BST1: variants seen among roughly 807,000 people sequenced by gnomAD.
The protein encoded by BST1 is bone marrow stromal cell antigen 1, also known as ADP-ribosyl cyclase/cyclic ADP-ribose hydrolase 2.
A neutral mutation model predicts 40.6 loss-of-function variants in BST1; 49 were observed. That is an observed-to-expected ratio of 1.21 (90% CI 0.96 to 1.53). BST1 has a LOEUF of 1.53. Among genes scored for constraint, BST1 ranks in the 40% most tolerant of loss-of-function variants. The pLI is 0.00. For synonymous variants in BST1, 157 were observed against 159.3 expected (o/e 0.99, Z 0.11); for missense variants, 423 against 395.9 (o/e 1.07, Z -0.58).
At chr4:15,757,708 C>T in the BST1 span, among the ~76,000 whole-genome samples, 1 of 152,124 alleles carries the variant, frequency 6.6e-6, no homozygotes, top group African/African-American at 2.4e-5. Context: ...ATGGCAGGAT[C>T]TCGGCTCTCT....
At chr4:15,735,916 G>A (rs1006071024), downstream of BST1, 27 of 359,740 alleles carry the variant, frequency 7.5e-5, no homozygotes, top group Non-Finnish European at 1.2e-4. Context: ...GAATATAAGA[G>A]TAATAATGGC....
chr4:15,773,485 G>A, the BST1 span, among the ~76,000 whole-genome samples: 7 of 152,142 alleles, frequency 4.6e-5, no homozygotes, highest in African/African-American at 1.4e-4. Flanking sequence ...TCATCTTTTC[G>A]TGATCTCTCA....
downstream of BST1, among the ~76,000 whole-genome samples, chr4:15,741,649 A>G (rs1721746946): frequency 6.6e-6 from 1 of 152,224 alleles, no homozygotes; most frequent in Non-Finnish European, 1.5e-5. Flanking sequence ...GTTGAAAAAA[A>G]TCAAAAGAAG....
In BST1 at chr4:15,737,919, G is replaced by T. The variant is rs549803080; in HGVS notation, c.*145G>T. 15 of 724,380 alleles carry T rather than the reference G, an allele frequency of 2.1e-5. No individual in the cohort carries two copies. In the East Asian group the frequency reaches 9.1e-4, roughly 44 times the overall value. 44.9% of individuals were successfully genotyped at this position (724,380 alleles called of 1,614,324 possible). On this transcript the variant is annotated 3_prime_UTR_variant, in exon 7 of 7. Coordinates refer to the BST1 transcript ENST00000514445. ...CAAGAGTTGAGTCAATTGCATGCCTGCCTAGTCCAGCTCCGTCCACATGAA... is the reference window on the plus strand; with the variant it reads ...CAAGAGTTGAGTCAATTGCATGCCTTCCTAGTCCAGCTCCGTCCACATGAA...
At chr4:15,736,222 G>C (rs1721557432), downstream of BST1, 1 of 956,010 alleles carries the variant, frequency 1.0e-6, no homozygotes, top group Non-Finnish European at 1.4e-6. Flanking sequence ...CCACAATGCT[G>C]CCAGAGCAAT....
At chr4:15,744,609 A>G in the BST1 span, among the ~76,000 whole-genome samples, 2 of 152,214 alleles carry the variant, frequency 1.3e-5, no homozygotes, top group Non-Finnish European at 2.9e-5. Context: ...TCCAAAAGAA[A>G]GTTCAACAAT....
chr4:15,739,702 G>A (rs1721692654), downstream of BST1, among the ~76,000 whole-genome samples: 1 of 152,104 alleles, frequency 6.6e-6, no homozygotes, highest in Admixed American at 6.5e-5. Context: ...GATGGTGCTT[G>A]TAAAATTTTA....
chr4:15,765,428 G>C, the BST1 span, among the ~76,000 whole-genome samples: 5 of 151,958 alleles, frequency 3.3e-5, no homozygotes, highest in Admixed American at 3.3e-4. Flanking sequence ...AAATGGCCTC[G>C]TTGCTTCTGT....
intron 8 of BST1, chr4:15,731,344 T>C: frequency 2.0e-6 from 1 of 500,818 alleles, no homozygotes; most frequent in Non-Finnish European, 3.6e-6. Context: ...TTCTTATTCT[T>C]GTTGAGTTTT....
chr4:15,752,370 G>A, the BST1 span, among the ~76,000 whole-genome samples: 4 of 151,872 alleles, frequency 2.6e-5, no homozygotes, highest in South Asian at 2.1e-4. Flanking sequence ...AAGATTTGAA[G>A]GAGTGAAGGA....
At chr4:15,731,327 G>T in intron 8 of BST1, 1 of 503,390 alleles carries the variant, frequency 2.0e-6, no homozygotes, top group South Asian at 2.0e-5. Flanking sequence ...CCAGTTTCTT[G>T]ACCAGTTTCT....
the BST1 span, among the ~76,000 whole-genome samples, chr4:15,774,162 G>A: frequency 6.6e-6 from 1 of 152,274 alleles, no homozygotes; most frequent in East Asian, 1.9e-4. Flanking sequence ...AGAGTGAGAA[G>A]ACAGCCACTT....
At chr4:15,759,972 T>G in the BST1 span, among the ~76,000 whole-genome samples, 1 of 152,014 alleles carries the variant, frequency 6.6e-6, no homozygotes, top group African/African-American at 2.4e-5. Context: ...AAATTTATCC[T>G]GAAAGTATAT....
At chr4:15,757,888 C>G in the BST1 span, among the ~76,000 whole-genome samples, 1 of 152,078 alleles carries the variant, frequency 6.6e-6, no homozygotes, top group African/African-American at 2.4e-5. Flanking sequence ...GTGATCCGCC[C>G]TCCTCGGCCT....
Position 15,703,156 on chromosome 4 carries a change from G to C in BST1, c.12G>C (p.Gln4His), listed in dbSNP as rs867696611. 6.3e-6 allele frequency: 10 copies of C among 1,576,700 alleles called. No homozygotes were observed. Among genetic ancestry groups the C allele is most frequent in the Non-Finnish European group, 8.6e-7 (1 of 1,163,068 alleles). The part of the protein sequence containing the change: MAA[Q>H]GCAASRLLQL... ...ACCAAAGTTCCCCGATGGCGGCCCA[G>C]GGGTGCGCGGCATCGCGGCTGCTCC... The change falls in exon 1 of 9, where the codon CAG (glutamine) becomes CAC (histidine). Residue 4 changes from glutamine to histidine, a missense_variant. Gln to His is a conservative substitution (Grantham distance 24). Coordinates refer to ENST00000265016, the MANE Select transcript of BST1 (RefSeq NM_004334.3).
the BST1 span, among the ~76,000 whole-genome samples, chr4:15,746,560 A>G: frequency 6.6e-6 from 1 of 152,212 alleles, no homozygotes; most frequent in African/African-American, 2.4e-5. Flanking sequence ...CTCCTGCAAT[A>G]ACCAACCCAC....
downstream of BST1, among the ~76,000 whole-genome samples, chr4:15,733,030 G>A (rs1042745576): frequency 5.3e-5 from 8 of 152,154 alleles, no homozygotes; most frequent in South Asian, 2.1e-4. Context: ...AAGGTAGTGC[G>A]GACCCAAAGA....
Position 15,711,835 on chromosome 4 carries a change from A to C in BST1, c.480A>C (p.Ser160=). 1 of 1,614,120 alleles carries C rather than the reference A, an allele frequency of 6.2e-7. No homozygotes were observed. Among genetic ancestry groups the C allele is most frequent in the Non-Finnish European group, 8.5e-7 (1 of 1,179,954 alleles). ...TCGATTACCAATCCTGCCCTACATC[A>C]GAAGACTGTGAAAATAATCCTGTGG... ...SGLDYQSCPT[S]EDCENNPVDS... Residue 160 remains serine, a synonymous_variant, in exon 4 of 9, where the codon TCA becomes TCC. Coordinates refer to ENST00000265016, the MANE Select transcript of BST1 (RefSeq NM_004334.3).
intron 7 of BST1, 129 bp downstream of exon 7, chr4:15,719,122 G>A (rs2148887873): frequency 1.4e-6 from 1 of 740,142 alleles, no homozygotes; most frequent in Non-Finnish European, 2.1e-6. Context: ...GCTTCTCGGT[G>A]TGGAGGCAAG....
Sources: allele counts gnomAD v4.1 joint callset (sites outside exome capture counted in the v4.1 genomes callset), GRCh38; gene constraint gnomAD v4.1.1; transcripts MANE v1.5; gene names NCBI Gene and HGNC (gene_info 2026-07-23, HGNC 2026-07-21).